NTRK3: variants seen among roughly 807,000 people sequenced by gnomAD.
NTRK3 encodes neurotrophic receptor tyrosine kinase 3.
A neutral mutation model predicts 91.7 loss-of-function variants in NTRK3; 24 were observed. The observed-to-expected ratio is 0.26, with a 90% CI of 0.19 to 0.37. NTRK3 has a LOEUF of 0.37. Ranked by LOEUF, NTRK3 falls within the 10% of genes least tolerant of loss-of-function variation. NTRK3 has a pLI of 1.00. For synonymous variants in NTRK3, 483 were observed against 404.0 expected (o/e 1.20, Z -2.34); for missense variants, 880 against 1,068.9 (o/e 0.82, Z 2.46).
At chr15:87,864,154 C>T (rs1466657281) in exon 19 of NTRK3, 2 of 232,680 alleles carry the variant, frequency 8.6e-6, no homozygotes, top group Non-Finnish European at 1.7e-5. Context: ...CCCCAACTTG[C>T]TTTCCTTTCA....
chr15:88,181,165 T>C (rs1350113911), intron 5 of NTRK3, among the ~76,000 whole-genome samples: 2 of 152,148 alleles, frequency 1.3e-5, no homozygotes, highest in Non-Finnish European at 2.9e-5. Flanking sequence ...CAATAACAAG[T>C]ACTTTGGCAA....
intron 14 of NTRK3, among the ~76,000 whole-genome samples, chr15:87,960,643 C>T (rs532092012): frequency 6.6e-6 from 1 of 152,214 alleles, no homozygotes; most frequent in Admixed American, 6.5e-5. Flanking sequence ...TGCCACTACA[C>T]CTGGCTAATT....
In NTRK3 at chr15:88,033,058, A is replaced by G; in HGVS notation, c.1397-13T>C. The G allele has an allele frequency of 6.4e-7, 1 of 1,562,322 alleles. No homozygotes were observed. The highest frequency in any genetic ancestry group is 8.7e-7 in the Non-Finnish European group (1 of 1,153,734). Reference sequence around the variant, plus strand: ...ACAGCCACGGGACCTGCACACACCAAGAGAGACGCAGGACCTGGTGACGTC... The same window carrying G: ...ACAGCCACGGGACCTGCACACACCAGGAGAGACGCAGGACCTGGTGACGTC... On this transcript the variant is annotated splice_polypyrimidine_tract_variant and intron_variant, in intron 13 of 18. Transcript: ENST00000394480.
At chr15:88,192,464 A>G (rs1486126186) in intron 3 of NTRK3, among the ~76,000 whole-genome samples, 1 of 152,098 alleles carries the variant, frequency 6.6e-6, no homozygotes, top group African/African-American at 2.4e-5. Context: ...ACCACCACCT[A>G]TTCTAACCCG....
chr15:88,099,515 G>A (rs552593228), intron 13 of NTRK3, among the ~76,000 whole-genome samples: 2 of 152,144 alleles, frequency 1.3e-5, no homozygotes, highest in Non-Finnish European at 2.9e-5. Context: ...TAGTTGGCCA[G>A]GTATTCCCTG....
exon 19 of NTRK3, chr15:87,860,232 G>A (rs1051385765): frequency 4.5e-6 from 1 of 220,136 alleles, no homozygotes; most frequent in Non-Finnish European, 9.1e-6. Context: ...GATGGGTATG[G>A]GGCCGAGACT....
At chr15:87,882,761 C>G (rs746889126) in intron 17 of NTRK3, among the ~76,000 whole-genome samples, 3 of 151,948 alleles carry the variant, frequency 2.0e-5, no homozygotes, top group Non-Finnish European at 4.4e-5. Flanking sequence ...AAAGTAGCTT[C>G]TAGAATAGAA....
At chr15:87,990,529 C>T (rs1466566906) in intron 14 of NTRK3, among the ~76,000 whole-genome samples, 4 of 152,102 alleles carry the variant, frequency 2.6e-5, no homozygotes, top group African/African-American at 9.7e-5. Context: ...GTCATTGTTA[C>T]ATATTTGGAG....
chr15:87,925,659 T>C (rs1182265450), intron 17 of NTRK3: 3 of 197,374 alleles, frequency 1.5e-5, no homozygotes, highest in Non-Finnish European at 1.1e-5. Flanking sequence ...CCTTAGCCGA[T>C]GTATACTGAA....
At chr15:88,091,818 G>C (rs1365550178) in intron 13 of NTRK3, among the ~76,000 whole-genome samples, 1 of 152,128 alleles carries the variant, frequency 6.6e-6, no homozygotes, top group Non-Finnish European at 1.5e-5. Flanking sequence ...TGACTCACCT[G>C]CCAGCCTAGT....
At chr15:88,029,889 C>T (rs2078374108) in intron 14 of NTRK3, among the ~76,000 whole-genome samples, 2 of 152,248 alleles carry the variant, frequency 1.3e-5, no homozygotes, top group South Asian at 4.1e-4. Flanking sequence ...TAAATCTCTG[C>T]TGAGGACTGG....
intron 13 of NTRK3, among the ~76,000 whole-genome samples, chr15:88,088,701 GGACTGTGAAGTGAATCAGCA>G (rs1286037237): frequency 1.3e-5 from 2 of 152,104 alleles, no homozygotes; most frequent in Non-Finnish European, 2.9e-5. Context: ...GACCAAATGT[GGACTGTGAAGTGAATCAGCA>G]GCCTATATGA....
At chr15:88,036,407 C>A (rs1419272164) in intron 13 of NTRK3, among the ~76,000 whole-genome samples, 1 of 147,496 alleles carries the variant, frequency 6.8e-6, no homozygotes, top group Non-Finnish European at 1.5e-5. Context: ...ACTTTTTAAC[C>A]TGGAAATCTA....
At position 88,126,385 on chromosome 15, in the gene NTRK3, C is replaced by A. The variant is rs1200480532; in HGVS notation, c.1294-12G>T. The A allele has an allele frequency of 7.6e-6, 12 of 1,585,388 alleles. No individual in the cohort carries two copies. In the East Asian group the frequency reaches 2.7e-4, roughly 35 times the overall value. The stretch of plus-strand genomic sequence containing the variant: ...ACTGCTATGGATACCTGTGAGGAAC[C>A]AGAAACAGAGAGTCAGCAACAATCA... On this transcript the variant is annotated splice_polypyrimidine_tract_variant and intron_variant, in intron 12 of 18. Coordinates refer to ENST00000394480, the Ensembl canonical transcript of NTRK3.
chr15:88,044,966 T>C (rs548405137), intron 13 of NTRK3, among the ~76,000 whole-genome samples: 20 of 152,288 alleles, frequency 1.3e-4, no homozygotes, highest in African/African-American at 4.6e-4. Flanking sequence ...TACCTTTGCA[T>C]AGGGGATGGA....
chr15:88,208,968 T>C (rs374570497), intron 3 of NTRK3, among the ~76,000 whole-genome samples: 208 of 152,306 alleles, frequency 1.4e-3, no homozygotes, highest in African/African-American at 4.5e-3. Context: ...AGTGAGGCAT[T>C]GGACATACAG....
At chr15:88,081,208 A>G (rs1164949193) in intron 13 of NTRK3, among the ~76,000 whole-genome samples, 1 of 152,136 alleles carries the variant, frequency 6.6e-6, no homozygotes, top group Non-Finnish European at 1.5e-5. Context: ...TATGGACCCT[A>G]GAAATGAGAC....
intron 12 of NTRK3, 95 bp from the exon 13 acceptor site, chr15:88,126,468 G>A (rs983074493): frequency 1.3e-6 from 1 of 774,102 alleles, no homozygotes; most frequent in African/African-American, 1.7e-5. Context: ...CAGTCCTACT[G>A]CCATAGTAAT....
chr15:87,944,567 G>A (rs1206343065), intron 14 of NTRK3, among the ~76,000 whole-genome samples: 1 of 152,166 alleles, frequency 6.6e-6, no homozygotes, highest in African/African-American at 2.4e-5. Context: ...TTATGACTCC[G>A]AAACCCGTGT....
Sources: allele counts gnomAD v4.1 joint callset (sites outside exome capture counted in the v4.1 genomes callset), GRCh38; gene constraint gnomAD v4.1.1; transcripts MANE v1.5; gene names NCBI Gene and HGNC (gene_info 2026-07-23, HGNC 2026-07-21).